Variants in TMC5 observed in about 807,000 individuals in gnomAD.
The protein encoded by TMC5 is transmembrane channel like 5, also known as transmembrane channel-like protein 5.
A neutral mutation model predicts 110.5 loss-of-function variants in TMC5; 86 were observed. That is an observed-to-expected ratio of 0.78 (90% CI 0.65 to 0.93). TMC5 has a LOEUF of 0.93. Ranked by LOEUF, TMC5 falls within the 40% of genes least tolerant of loss-of-function variation. The pLI, the probability that TMC5 is intolerant of heterozygous loss-of-function variation, is 0.00. For missense variants in TMC5, 1,144 were observed against 1,222.8 expected (o/e 0.94, Z 0.96); for synonymous variants, 455 against 439.5 (o/e 1.04, Z -0.44).
intron 2 of TMC5, 60 bp from the exon 3 acceptor site, chr16:19,439,900 A>C: frequency 1.5e-6 from 1 of 684,966 alleles, no homozygotes; most frequent in Non-Finnish European, 2.5e-6. Context: ...GATAACCAGC[A>C]ATCTCTGCAG....
chr16:19,463,444 G>A, intron 7 of TMC5, 77 bp downstream of exon 7: 1 of 1,237,776 alleles, frequency 8.1e-7, no homozygotes, highest in Non-Finnish European at 1.2e-6. Flanking sequence ...GGACTCAGGG[G>A]GAAGATGAAC....
At chr16:19,435,151 G>A (rs962420888) in intron 2 of TMC5, among the ~76,000 whole-genome samples, 13 of 151,976 alleles carry the variant, frequency 8.6e-5, no homozygotes, top group African/African-American at 1.2e-4. Context: ...TGGGAGAATC[G>A]GAAGGTTTTA....
upstream of TMC5, among the ~76,000 whole-genome samples, chr16:19,415,425 T>G (rs1318876202): frequency 1.3e-5 from 2 of 152,104 alleles, no homozygotes; most frequent in Non-Finnish European, 2.9e-5. Flanking sequence ...AGCTTGCAGA[T>G]GGGGTGGGGT....
chr16:19,470,651 G>A (rs1460096706), intron 10 of TMC5, among the ~76,000 whole-genome samples: 2 of 140,856 alleles, frequency 1.4e-5, no homozygotes, highest in African/African-American at 5.2e-5. Flanking sequence ...ACCTGCAGCA[G>A]AGAATTATGC....
chr16:19,412,940 C>A (rs1209446587), upstream of TMC5, among the ~76,000 whole-genome samples: 3 of 152,172 alleles, frequency 2.0e-5, no homozygotes, highest in Non-Finnish European at 4.4e-5. Context: ...AAAGTCACGG[C>A]TCAAGCGATC....
At chr16:19,497,823 G>A in intron 21 of TMC5, 97 bp from the exon 22 acceptor site, 2 of 1,081,712 alleles carry the variant, frequency 1.8e-6, no homozygotes, top group Non-Finnish European at 2.7e-6. Flanking sequence ...AAGAAGGCAT[G>A]AGAAGCTATG....
chr16:19,496,167 A>AAT (rs1468961699), intron 20 of TMC5, among the ~76,000 whole-genome samples: 1 of 151,776 alleles, frequency 6.6e-6, no homozygotes, highest in Non-Finnish European at 1.5e-5. Context: ...CAAAAAAAAA[A>AAT]AAAAATTAAA....
chr16:19,421,216 CTTATTT>C (rs1374145360), intron 1 of TMC5, among the ~76,000 whole-genome samples: 6 of 152,100 alleles, frequency 3.9e-5, no homozygotes, highest in Non-Finnish European at 7.4e-5. Flanking sequence ...GTTTTTTGCA[CTTATTT>C]TTATTTTTAA....
chr16:19,482,170 C>T (rs1174815921), intron 15 of TMC5, among the ~76,000 whole-genome samples: 1 of 152,198 alleles, frequency 6.6e-6, no homozygotes, highest in African/African-American at 2.4e-5. Flanking sequence ...AGTGATTCTC[C>T]TGCCTGTCTC....
intron 3 of TMC5, 82 bp from the exon 4 acceptor site, chr16:19,443,998 TG>T: frequency 1.3e-5 from 1 of 75,576 alleles, no homozygotes; most frequent in Non-Finnish European, 2.6e-5. Context: ...CATGATTGAA[TG>T]GATGGATGGA....
At chr16:19,471,664 C>G (rs959524334) in intron 10 of TMC5, among the ~76,000 whole-genome samples, 2 of 152,178 alleles carry the variant, frequency 1.3e-5, no homozygotes, top group Admixed American at 1.3e-4. Flanking sequence ...GGATTCATGT[C>G]TCTGGATGTG....
At chr16:19,479,384 T>G in intron 13 of TMC5, 47 bp from the exon 14 acceptor site, 1 of 1,399,376 alleles carries the variant, frequency 7.1e-7, no homozygotes, top group African/African-American at 1.4e-5. Flanking sequence ...AGAATTGAGC[T>G]GAGGCCACAG....
chr16:19,427,815 C>A (rs1010397458), intron 1 of TMC5, among the ~76,000 whole-genome samples: 1 of 151,410 alleles, frequency 6.6e-6, no homozygotes, highest in Non-Finnish European at 1.5e-5. Flanking sequence ...AAGTCGCCCC[C>A]ACTTGAGAAC....
chr16:19,480,217 A>G (rs1392472845), intron 14 of TMC5, among the ~76,000 whole-genome samples: 1 of 151,642 alleles, frequency 6.6e-6, no homozygotes, highest in Non-Finnish European at 1.5e-5. Flanking sequence ...TCATTGTTTT[A>G]ATTGAATTAA....
chr16:19,453,147 C>T (rs1297025223), intron 5 of TMC5, among the ~76,000 whole-genome samples: 1 of 151,868 alleles, frequency 6.6e-6, no homozygotes, highest in African/African-American at 2.4e-5. Flanking sequence ...GATTCACAAA[C>T]CACATGCAAT....
At chr16:19,443,684 G>T (rs576528988) in intron 3 of TMC5, among the ~76,000 whole-genome samples, 1 of 152,230 alleles carries the variant, frequency 6.6e-6, no homozygotes, top group African/African-American at 2.4e-5. Context: ...ATGGATGGAT[G>T]AATACATTAA....
chr16:19,455,040 C>T (rs1967833096), intron 5 of TMC5, among the ~76,000 whole-genome samples: 1 of 152,004 alleles, frequency 6.6e-6, no homozygotes, highest in African/African-American at 2.4e-5. Flanking sequence ...GAGGCTGAAG[C>T]AGGAGGATTA....
chr16:19,463,253 C>T (rs1968074323), intron 6 of TMC5, 27 bp from the exon 7 acceptor site: 8 of 1,555,210 alleles, frequency 5.1e-6, no homozygotes, highest in Non-Finnish European at 7.1e-6. Flanking sequence ...ATTTGTATCT[C>T]TCATTTTCTC....
intron 5 of TMC5, among the ~76,000 whole-genome samples, chr16:19,456,197 A>G (rs1483893132): frequency 6.7e-6 from 1 of 148,292 alleles, no homozygotes. Context: ...ACATAGCGAG[A>G]CTCCATCTCA....
Sources: gnomAD v4.1 joint callset for allele counts (sites outside exome capture counted in the v4.1 genomes callset) on GRCh38, gnomAD v4.1.1 for gene constraint, MANE v1.5 for transcripts, NCBI Gene and HGNC (gene_info 2026-07-23, HGNC 2026-07-21) for gene names.